NAA25: variants seen among roughly 807,000 people sequenced by gnomAD.
NAA25 encodes the protein N-alpha-acetyltransferase 25, NatB auxiliary subunit, also known as N-terminal acetyltransferase B complex subunit NAA25.
NAA25 carries 30 observed loss-of-function variants against 132.5 expected under a neutral mutation model. The observed-to-expected ratio is 0.23, with a 90% confidence interval of 0.17 to 0.31. NAA25 has a LOEUF of 0.31. NAA25 is among the 10% of genes least tolerant of loss of function. The pLI, the probability that NAA25 is intolerant of heterozygous loss-of-function variation, is 1.00. For synonymous variants in NAA25, 359 were observed against 401.9 expected (o/e 0.89, Z 1.28); for missense variants, 771 against 1,150.4 (o/e 0.67, Z 4.77).
In NAA25 at chr12:112,048,305, G is replaced by A. The variant is rs376403967; in HGVS notation, c.1867C>T (p.Leu623Phe). The A allele has an allele frequency of 1.2e-6, 2 of 1,612,446 alleles. No homozygotes were observed. Among genetic ancestry groups the A allele is most frequent in the African/African-American group, 2.7e-5 (2 of 74,802 alleles). ...TGCAATACTTACATATTTGCTTCAA[G>A]TAGAAGGTCTAACAGCATCCGTTCA... Reference protein sequence around the residue: ...RTERMLLDLLLEANISTSLAE... With the variant: ...RTERMLLDLLFEANISTSLAE... Residue 623 changes from leucine to phenylalanine, a missense_variant, in exon 16 of 24, where the codon CTT (leucine) becomes TTT (phenylalanine). Coordinates refer to ENST00000261745, the MANE Select transcript of NAA25 (RefSeq NM_024953.4).
intron 12 of NAA25, 24 bp downstream of exon 12, chr12:112,061,157 T>A: frequency 6.4e-7 from 1 of 1,557,654 alleles, no homozygotes; most frequent in Non-Finnish European, 8.7e-7. Context: ...AGGGAACTAC[T>A]GCACATTTTG....
chr12:112,086,420 TGGGA>T (rs1264631895), intron 4 of NAA25, among the ~76,000 whole-genome samples: 19 of 150,972 alleles, frequency 1.3e-4, no homozygotes, highest in Admixed American at 2.0e-4. Flanking sequence ...CGCTTCAACC[TGGGA>T]GGCCAGGTTG....
intron 17 of NAA25, among the ~76,000 whole-genome samples, chr12:112,045,909 T>C (rs1341485794): frequency 6.6e-6 from 1 of 152,212 alleles, no homozygotes; most frequent in East Asian, 1.9e-4. Flanking sequence ...AAATAGTATG[T>C]ATGCAACTTA....
chr12:112,075,464 T>C (rs545453194), intron 8 of NAA25, among the ~76,000 whole-genome samples: 24 of 152,264 alleles, frequency 1.6e-4, no homozygotes, highest in African/African-American at 5.1e-4. Context: ...GCTGGGATCA[T>C]AGGCATGAGC....
chr12:112,087,600 C>G (rs766104166), intron 4 of NAA25, 83 bp downstream of exon 4: 47 of 883,790 alleles, frequency 5.3e-5, no homozygotes, highest in South Asian at 2.7e-4. Flanking sequence ...CACACACATA[C>G]CCAGTGCAGT....
At chr12:112,093,498 G>A (rs530148372) in intron 1 of NAA25, among the ~76,000 whole-genome samples, 6 of 152,178 alleles carry the variant, frequency 3.9e-5, no homozygotes, top group Non-Finnish European at 7.4e-5. Flanking sequence ...CTGAGATCAT[G>A]CCACTGCACT....
At chr12:112,090,914 T>C in intron 2 of NAA25, 50 bp from the exon 3 acceptor site, 1 of 1,537,554 alleles carries the variant, frequency 6.5e-7, no homozygotes, top group Non-Finnish European at 8.9e-7. Flanking sequence ...GAAAAGGAAA[T>C]ATGAACCAAA....
chr12:112,032,196 G>A (rs1046357463), intron 23 of NAA25, among the ~76,000 whole-genome samples: 1 of 152,018 alleles, frequency 6.6e-6, no homozygotes, highest in Admixed American at 6.6e-5. Context: ...TCCATCTCCT[G>A]ACTTCGTGAT....
intron 10 of NAA25, among the ~76,000 whole-genome samples, chr12:112,070,357 CATT>C (rs1382645430): frequency 8.5e-5 from 13 of 152,130 alleles, no homozygotes; most frequent in African/African-American, 2.9e-4. Context: ...CTATCCACAT[CATT>C]CTTTTCTGCT....
rs774386191 is a variant in NAA25 at position 112,042,096 on chromosome 12, T to A, written c.2383A>T (p.Met795Leu). ...TTTTCTATTCGTTCCTGAATCTCCATTGTATCCTCTAAAATTGAAAAACAA... is the reference window on the plus strand; with the variant it reads ...TTTTCTATTCGTTCCTGAATCTCCAATGTATCCTCTAAAATTGAAAAACAA... ...ELDTSGLEDTMEIQERIENSF... is the reference protein window; with the variant it reads ...ELDTSGLEDTLEIQERIENSF... The change falls in exon 20 of 24, where the codon ATG becomes TTG. Residue 795 changes from methionine (M) to leucine (L), a missense_variant. Coordinates refer to ENST00000261745, the MANE Select transcript of NAA25 (RefSeq NM_024953.4). The A allele has an allele frequency of 3.3e-5, 49 of 1,463,756 alleles. No individual in the cohort carries two copies. Among genetic ancestry groups the A allele is most frequent in the Non-Finnish European group, 4.3e-5 (47 of 1,102,254 alleles). The allele number at this position is 1,463,756 out of a possible 1,614,324, so 90.7% of individuals were successfully genotyped here.
At chr12:112,105,840 T>C (rs1189826294) in intron 1 of NAA25, among the ~76,000 whole-genome samples, 1 of 152,186 alleles carries the variant, frequency 6.6e-6, no homozygotes, top group Non-Finnish European at 1.5e-5. Flanking sequence ...ATCTCTAGGC[T>C]TCAGTTTGAT....
chr12:112,081,415 A>G (rs965776337), intron 4 of NAA25, among the ~76,000 whole-genome samples: 2 of 152,242 alleles, frequency 1.3e-5, no homozygotes, highest in Non-Finnish European at 2.9e-5. Flanking sequence ...AGGAGACTAC[A>G]AAGCAAACAC....
rs775303285 is a variant in NAA25 at position 112,078,711 on chromosome 12, T to C, written c.508A>G (p.Lys170Glu). The C allele has an allele frequency of 1.2e-6, 2 of 1,614,030 alleles. No homozygotes were observed. The highest frequency in any genetic ancestry group is 1.1e-5 in the South Asian group (1 of 91,062). ...SISAQDENLSKTMFLPLAERM... is the reference protein window; with the variant it reads ...SISAQDENLSETMFLPLAERM... ...TCAGCAAGGGGCAGAAACATTGTTT[T>C]TGAGAGGTTTTCATCCTGTGCCGAT... The change falls in exon 6 of 24, where the codon AAA becomes GAA. Residue 170 changes from lysine to glutamate, a missense_variant. By Grantham distance (56) the Lys-to-Glu change is moderately conservative (BLOSUM62 1). Transcript: ENST00000261745.
At position 112,076,205 on chromosome 12, in the gene NAA25, A is replaced by G. The variant is rs534499675; in HGVS notation, c.665-416T>C. 1.2e-4 allele frequency among the ~76,000 whole-genome samples: 18 copies of G among 151,656 alleles called. No individual in the cohort carries two copies. The East Asian group carries it at 2.7e-3, about 23-fold the overall frequency. On this transcript the variant is annotated intron_variant, in intron 7 of 23. Coordinates refer to ENST00000261745, the MANE Select transcript of NAA25 (RefSeq NM_024953.4). ...GCCTAAATGTCACATTTTCTTATTC[A>G]CTCTCTTAGAAAATGGGACCACTAT...
At position 112,039,250 on chromosome 12, in the gene NAA25, TTTC is replaced by T; in HGVS notation, c.2625_2627del (p.Lys877del). The T allele has an allele frequency of 1.2e-6, 2 of 1,600,310 alleles. No individual in the cohort carries two copies. The highest frequency in any genetic ancestry group is 1.7e-6 in the Non-Finnish European group (2 of 1,172,554). ...TTACCATGATGATGCTGGTTTCTTT[TTTC>T]TTCTTTTTCTTTTTCTGTAAATTTA... On this transcript the variant is annotated inframe_deletion, in exon 22 of 24. Coordinates refer to ENST00000261745, the MANE Select transcript of NAA25 (RefSeq NM_024953.4).
chr12:112,046,917 C>A (rs1048868491), intron 17 of NAA25, among the ~76,000 whole-genome samples: 1 of 152,118 alleles, frequency 6.6e-6, no homozygotes, highest in Non-Finnish European at 1.5e-5. Flanking sequence ...GAAGTTAAAT[C>A]CTTTATGTTT....
intron 5 of NAA25, 77 bp downstream of exon 5, chr12:112,080,978 CCAGTT>C (rs2078965868): frequency 8.3e-7 from 1 of 1,198,574 alleles, no homozygotes; most frequent in African/African-American, 1.5e-5. Flanking sequence ...ACAAAAAAAA[CCAGTT>C]CAGAAGACAC....
chr12:112,093,995 T>G (rs2079175037), intron 1 of NAA25, among the ~76,000 whole-genome samples: 1 of 151,730 alleles, frequency 6.6e-6, no homozygotes, highest in South Asian at 2.1e-4. Context: ...ATCCCAGCAC[T>G]TTGGGAGGCT....
chr12:112,054,586 C>T lies in NAA25; in HGVS notation c.1448-18G>A. 1.2e-6 allele frequency: 2 copies of T among 1,606,896 alleles called. No homozygotes were observed. Among genetic ancestry groups the T allele is most frequent in the Non-Finnish European group, 1.7e-6 (2 of 1,176,492 alleles). On this transcript the variant is annotated intron_variant, in intron 13 of 23. Coordinates refer to ENST00000261745, the MANE Select transcript of NAA25 (RefSeq NM_024953.4). Reference sequence around the variant, plus strand: ...CTCATCACCTAGAACCAAAATACAGCATTATCCACTGATCTTGACAGCAAA... The same window carrying T: ...CTCATCACCTAGAACCAAAATACAGTATTATCCACTGATCTTGACAGCAAA...
Sources: gnomAD v4.1 joint callset for allele counts (sites outside exome capture counted in the v4.1 genomes callset) on GRCh38, gnomAD v4.1.1 for gene constraint, MANE v1.5 for transcripts, NCBI Gene and HGNC (gene_info 2026-07-23, HGNC 2026-07-21) for gene names.